Variants in SEPTIN5 observed in about 807,000 individuals in gnomAD.
SEPTIN5 encodes septin 5.
Under a neutral mutation model 51.2 loss-of-function variants are expected in SEPTIN5, and 16 were observed. The ratio of observed to expected loss-of-function variants is 0.31; its 90% CI spans 0.21 to 0.47. SEPTIN5 has a LOEUF of 0.47. Ranked by LOEUF, SEPTIN5 falls within the 20% of genes least tolerant of loss-of-function variation. The probability of loss-of-function intolerance (pLI) is 0.99; values close to 1 mark genes in which losing one functional copy is unlikely to be tolerated. For missense variants in SEPTIN5, 376 were observed against 500.3 expected, an observed-to-expected ratio of 0.75 and a Z score of 2.37; for synonymous variants, 208 against 191.2, an observed-to-expected ratio of 1.09 and a Z score of -0.72.
Position 19,720,322 on chromosome 22 carries a change from G to A in SEPTIN5, c.365G>A (p.Trp122Ter). 6.2e-7 allele frequency: 1 copy of A among 1,613,688 alleles called. No homozygotes were observed. The change falls in exon 6 of 12, where the codon TGG becomes TAG. Residue 122 changes from tryptophan (W) to a stop codon, truncating the protein, a stop_gained and splice_region_variant. Transcript: ENST00000455784. LOFTEE classifies it high-confidence loss of function. ...FGDAVNNTEC[W>*]KPITDYVDQQ... is the part of the protein sequence containing the mutation. ...CCTCACCTCCCTCCTGCCCACAGCT[G>A]GAAGCCCATCACCGACTATGTGGAC...
chr22:19,720,442 C>A lies in SEPTIN5; in HGVS notation c.485C>A (p.Pro162His). 6.2e-7 allele frequency: 1 copy of A among 1,613,858 alleles called. No individual in the cohort carries two copies. Among genetic ancestry groups the A allele is most frequent in the Non-Finnish European group, 8.5e-7 (1 of 1,179,962 alleles). The change falls in exon 6 of 12, where the codon CCC (proline) becomes CAC (histidine). Residue 162 changes from proline (P) to histidine (H), a missense_variant. Pro to His is a moderately conservative substitution (Grantham distance 77, BLOSUM62 -2). This residue lies in a region of SEPTIN5 where 287 missense variants were observed against 417.1 expected (regional missense o/e 0.69). Transcript: ENST00000455784. ...RVHCCLYFIS[P>H]FGHGLRPVDV... ...CACTGCTGCCTATACTTCATCTCCC[C>A]CTTCGGGCATGGGTGTGTGGCTGTC...
chr22:19,720,480 T>G, intron 6 of SEPTIN5, 26 bp downstream of exon 6: 1 of 1,613,148 alleles, frequency 6.2e-7, no homozygotes, highest in Non-Finnish European at 8.5e-7. Context: ...GGGGCCAGGC[T>G]CGGGAGTGCA....
chr22:19,718,435 G>C, intron 2 of SEPTIN5: 3 of 1,083,548 alleles, frequency 2.8e-6, no homozygotes, highest in Non-Finnish European at 3.4e-6. Context: ...CGCGCTCCGC[G>C]GGCGCCTGCG....
In SEPTIN5 at chr22:19,723,235, C is replaced by T. The variant is rs765246118; in HGVS notation, c.*751C>T. 2 of 651,250 alleles carry T rather than the reference C, an allele frequency of 3.1e-6. No individual in the cohort carries two copies. 40.3% of individuals were successfully genotyped at this position (651,250 alleles called of 1,614,324 possible). A position where few individuals can be genotyped will look rare whatever the true frequency, so the allele number is the denominator to read the frequency against. On this transcript the variant is annotated 3_prime_UTR_variant, in exon 12 of 12. Transcript: ENST00000455784. ...CCCGATGTTCCCACCCGCATGATCC[C>T]TTCCCGCCACACGATGCTCCGTTTT...
Position 19,723,245 on chromosome 22 carries a change from C to G in SEPTIN5, c.*761C>G. On this transcript the variant is annotated 3_prime_UTR_variant, in exon 12 of 12. Transcript: ENST00000455784. ...CCACCCGCATGATCCCTTCCCGCCA[C>G]ACGATGCTCCGTTTTCTTCCGTTGT... is the stretch of plus-strand genomic sequence containing the variant. The G allele has an allele frequency of 1.5e-6, 1 of 664,244 alleles. No homozygotes were observed. Among genetic ancestry groups the G allele is most frequent in the Non-Finnish European group, 2.8e-6 (1 of 360,616 alleles). The allele number at this position is 664,244 out of a possible 1,614,324, so 41.1% of individuals were successfully genotyped here.
rs117051690 is a variant in SEPTIN5 at position 19,714,751 on chromosome 22, C to T, written c.44-30C>T. On this transcript the variant is annotated intron_variant, in intron 1 of 11. Transcript: ENST00000455784. This position sits in a 1 kb window ranked among gnomAD's most constrained non-coding sequence, Gnocchi z 5.2. ...GGCCCGGACCCGCTCGGAACCGGAC[C>T]CGGACTCGACCCCGACCCCGACCCC... The T allele has an allele frequency of 0.015, 24,568 of 1,589,050 alleles. 1,215 individuals are homozygous for T. Among genetic ancestry groups the T allele is most frequent in the Admixed American group, 0.14 (7,974 of 58,752 alleles).
chr22:19,715,340 G>A (rs559814049), intron 2 of SEPTIN5, among the ~76,000 whole-genome samples: 1 of 152,226 alleles, frequency 6.6e-6, no homozygotes, highest in Non-Finnish European at 1.5e-5. Context: ...AGTCATTCTG[G>A]GTGCCCAGAT....
intron 2 of SEPTIN5, chr22:19,718,045 A>G (rs1457746458): frequency 6.6e-6 from 1 of 152,380 alleles, no homozygotes; most frequent in Non-Finnish European, 1.5e-5. Flanking sequence ...TTTTCGGGCA[A>G]GTCTGCGAGA....
rs1297858416 is a variant in SEPTIN5, at chr22:19,719,598, C to G, written c.55-4C>G. 1.2e-6 allele frequency: 2 copies of G among 1,611,146 alleles called. No homozygotes were observed. Among genetic ancestry groups the G allele is most frequent in the Non-Finnish European group, 8.5e-7 (1 of 1,178,470 alleles). On this transcript the variant is annotated splice_region_variant and splice_polypyrimidine_tract_variant and intron_variant, in intron 2 of 11. Transcript: ENST00000455784. ...GTCCCTACCCTGTTCCATCCTGTCCCCAGGACATTGACAAGCAGTACGTGG... is the reference window on the plus strand; with the variant it reads ...GTCCCTACCCTGTTCCATCCTGTCCGCAGGACATTGACAAGCAGTACGTGG...
chr22:19,719,764 G>T, intron 3 of SEPTIN5, 42 bp from the exon 4 acceptor site: 3 of 1,611,636 alleles, frequency 1.9e-6, no homozygotes, highest in Non-Finnish European at 1.7e-6. Flanking sequence ...TGTCGTTGGA[G>T]CCCCAGACCT....
At chr22:19,718,709 G>C in intron 2 of SEPTIN5, 1 of 1,256,830 alleles carries the variant, frequency 8.0e-7, no homozygotes, top group Non-Finnish European at 1.0e-6. Flanking sequence ...GGGTCCGAGC[G>C]TGCCCCCGGG....
At chr22:19,720,519 C>A in intron 6 of SEPTIN5, 30 bp from the exon 7 acceptor site, 1 of 1,613,326 alleles carries the variant, frequency 6.2e-7, no homozygotes, top group Non-Finnish European at 8.5e-7. Flanking sequence ...CCTGGCTGTG[C>A]CTATGCCCAC....
chr22:19,720,533 T>C lies in SEPTIN5; in HGVS notation c.498-16T>C. The C allele has an allele frequency of 6.2e-7, 1 of 1,613,310 alleles. No individual in the cohort carries two copies. The highest frequency in any genetic ancestry group is 8.5e-7 in the Non-Finnish European group (1 of 1,180,010). On this transcript the variant is annotated splice_polypyrimidine_tract_variant and intron_variant, in intron 6 of 11. Coordinates refer to ENST00000455784, the MANE Select transcript of SEPTIN5 (RefSeq NM_002688.6). ...CCCTGGCTGTGCCTATGCCCACCCT[T>C]GGCTGCTCTCGGCAGGCTGCGGCCA...
chr22:19,723,189 C>T lies in SEPTIN5; in HGVS notation c.*705C>T, dbSNP rs1019959319. The T allele has an allele frequency of 6.8e-6, 4 of 590,942 alleles. No individual in the cohort carries two copies. The highest frequency in any genetic ancestry group is 3.5e-5 in the East Asian group (1 of 28,578). The allele number at this position is 590,942 out of a possible 1,614,324, so 36.6% of individuals were successfully genotyped here. On this transcript the variant is annotated 3_prime_UTR_variant, in exon 12 of 12. Transcript: ENST00000455784. Reference sequence around the variant, plus strand: ...TCTCCCCAGCACCGCTGTGGTGTGCCGGGATCCTGAGCCTAGGCCTCCCGA... The same window carrying T: ...TCTCCCCAGCACCGCTGTGGTGTGCTGGGATCCTGAGCCTAGGCCTCCCGA...
Position 19,720,760 on chromosome 22 carries a change from C to A in SEPTIN5, c.616-8C>A. On this transcript the variant is annotated splice_polypyrimidine_tract_variant and splice_region_variant and intron_variant, in intron 7 of 11. Coordinates refer to ENST00000455784, the MANE Select transcript of SEPTIN5 (RefSeq NM_002688.6). ...GCCTCAAATCTGATGGTCCTTGCCC[C>A]ACCACAGATCCGGGAGGAGATTGAC... is the stretch of plus-strand genomic sequence containing the variant. The A allele has an allele frequency of 6.2e-7, 1 of 1,613,024 alleles. No homozygotes were observed. The highest frequency in any genetic ancestry group is 8.5e-7 in the Non-Finnish European group (1 of 1,179,608).
intron 2 of SEPTIN5, chr22:19,717,729 T>C: frequency 3.9e-6 from 1 of 254,998 alleles, no homozygotes; most frequent in Non-Finnish European, 7.8e-6. Flanking sequence ...GGCTCTGCCC[T>C]CCTCCGGTCC....
At position 19,714,509 on chromosome 22, in the gene SEPTIN5, CA is replaced by C. The variant is rs1601235894; in HGVS notation, c.-79del. 1 of 997,844 alleles carries C rather than the reference CA, an allele frequency of 1.0e-6. No homozygotes were observed. The highest frequency in any genetic ancestry group is 4.2e-5 in the East Asian group (1 of 23,762). The allele number at this position is 997,844 out of a possible 1,614,324, so 61.8% of individuals were successfully genotyped here. ...CGGCGCGGAGGGGCCGCTCACCCCGCAGCCCGGCCTCGGCCTCCGCCGCTTG... is the reference window on the plus strand; with the variant it reads ...CGGCGCGGAGGGGCCGCTCACCCCGCGCCCGGCCTCGGCCTCCGCCGCTTG... On this transcript the variant is annotated 5_prime_UTR_variant, in exon 1 of 12. Coordinates refer to ENST00000455784, the MANE Select transcript of SEPTIN5 (RefSeq NM_002688.6). This position sits in a 1 kb window ranked among gnomAD's most constrained non-coding sequence, Gnocchi z 5.2.
chr22:19,714,733 ACC>A lies in SEPTIN5; in HGVS notation c.44-46_44-45del, dbSNP rs1351066697. ...GTCTCTCCCCCGCCCGCCGGCCCGGACCCGCTCGGAACCGGACCCGGACTCGA... is the reference window on the plus strand; with the variant it reads ...GTCTCTCCCCCGCCCGCCGGCCCGGACGCTCGGAACCGGACCCGGACTCGA... On this transcript the variant is annotated intron_variant, in intron 1 of 11. Coordinates refer to ENST00000455784, the MANE Select transcript of SEPTIN5 (RefSeq NM_002688.6). The surrounding 1 kb of genome is among the most constrained non-coding windows in gnomAD (Gnocchi z 5.2). 1.3e-6 allele frequency: 2 copies of A among 1,524,476 alleles called. No homozygotes were observed. Among genetic ancestry groups the A allele is most frequent in the Non-Finnish European group, 1.8e-6 (2 of 1,135,908 alleles). The allele number at this position is 1,524,476 out of a possible 1,614,324, so 94.4% of individuals were successfully genotyped here. A position where few individuals can be genotyped will look rare whatever the true frequency, so the allele number is the denominator to read the frequency against.
rs1373760295 is a variant in SEPTIN5 at position 19,720,442 on chromosome 22, C to G, written c.485C>G (p.Pro162Arg). ...CACTGCTGCCTATACTTCATCTCCCCCTTCGGGCATGGGTGTGTGGCTGTC... is the reference window on the plus strand; with the variant it reads ...CACTGCTGCCTATACTTCATCTCCCGCTTCGGGCATGGGTGTGTGGCTGTC... ...RVHCCLYFISPFGHGLRPVDV... is the reference protein window; with the variant it reads ...RVHCCLYFISRFGHGLRPVDV... Residue 162 changes from proline to arginine, a missense_variant, in exon 6 of 12, where the codon CCC becomes CGC. By Grantham distance (103) the Pro-to-Arg change is moderately radical. Around this residue, in one of 2 missense-constraint regions of SEPTIN5, gnomAD observed 287 missense variants for 417.1 expected, o/e 0.69. Coordinates refer to ENST00000455784, the MANE Select transcript of SEPTIN5 (RefSeq NM_002688.6). 6.2e-7 allele frequency: 1 copy of G among 1,613,858 alleles called. No homozygotes were observed. The highest frequency in any genetic ancestry group is 8.5e-7 in the Non-Finnish European group (1 of 1,179,962).
Sources: gnomAD v4.1 joint callset for allele counts (sites outside exome capture counted in the v4.1 genomes callset) on GRCh38, gnomAD v4.1.1 for gene constraint, gnomAD v4.1.1 regional missense constraint, Gnocchi (gnomAD v3.1) non-coding constraint, MANE v1.5 for transcripts, NCBI Gene and HGNC (gene_info 2026-07-23, HGNC 2026-07-21) for gene names.